Variants in COL6A5 observed in about 807,000 individuals in gnomAD.
COL6A5 encodes collagen type VI alpha 5 chain.
Under a neutral mutation model 65.6 loss-of-function variants are expected in COL6A5, and 48 were observed. The observed-to-expected ratio is 0.73, with a 90% confidence interval of 0.58 to 0.93. The LOEUF (loss-of-function observed/expected upper bound fraction) is 0.93, where lower values mean the gene tolerates loss of function less well. Ranked by LOEUF, COL6A5 falls within the 40% of genes least tolerant of loss-of-function variation. The pLI is 0.00. For missense variants in COL6A5, 914 were observed against 928.3 expected, an observed-to-expected ratio of 0.98 and a Z score of 0.20; for synonymous variants, 291 against 322.8, an observed-to-expected ratio of 0.90 and a Z score of 1.05.
chr3:130,478,326 G>C (rs747924526), intron 7 of COL6A5, among the ~76,000 whole-genome samples: 1 of 152,090 alleles, frequency 6.6e-6, no homozygotes, highest in South Asian at 2.1e-4. Context: ...GCCAGTTTTA[G>C]TTCTGTGGCT....
intron 29 of COL6A5, among the ~76,000 whole-genome samples, chr3:130,424,774 T>C (rs1249822552): frequency 6.6e-6 from 1 of 152,124 alleles, no homozygotes; most frequent in African/African-American, 2.4e-5. Context: ...AATGTGTGAA[T>C]ATTCCTAGTT....
chr3:130,404,082 G>C (rs1467557407), intron 13 of COL6A5, among the ~76,000 whole-genome samples: 4 of 152,158 alleles, frequency 2.6e-5, no homozygotes, highest in African/African-American at 9.7e-5. Context: ...CCAGTGCTTA[G>C]TACATGGCTT....
At chr3:130,471,054 C>G (rs564816980) in intron 7 of COL6A5, 87 bp downstream of exon 39, 11 of 930,908 alleles carry the variant, frequency 1.2e-5, no homozygotes, top group African/African-American at 5.0e-5. Context: ...TTTTAGTTTT[C>G]AAGATCCAAG....
chr3:130,387,952 G>A (rs1020649857), intron 5 of COL6A5, among the ~76,000 whole-genome samples: 22 of 151,074 alleles, frequency 1.5e-4, no homozygotes, highest in African/African-American at 3.2e-4. Context: ...ATATATATAC[G>A]TATGTCTGTA....
At position 130,399,681 on chromosome 3, in the gene COL6A5, T is replaced by A. The variant is rs140471837; in HGVS notation, c.3992-1350T>A. Among the ~76,000 whole-genome samples, 790 of 151,904 alleles carry A rather than the reference T, an allele frequency of 5.2e-3. 9 individuals are homozygous for A. Among genetic ancestry groups the A allele is most frequent in the African/African-American group, 0.018 (754 of 41,414 alleles). On this transcript the variant is annotated intron_variant and NMD_transcript_variant, in intron 10 of 41. Transcript: ENST00000312481. ...CCACTGCACCTGGCCAACTCATTTC[T>A]TATATTCAGTGTTCCAGGCATATGA...
At chr3:130,451,205 A>T (rs1424870862) in intron 4 of COL6A5, among the ~76,000 whole-genome samples, 2 of 152,186 alleles carry the variant, frequency 1.3e-5, no homozygotes, top group African/African-American at 4.8e-5. Context: ...GGATAAGTCC[A>T]TGCGTCTAAT....
chr3:130,358,033 C>CA (rs1167779721), intron 1 of COL6A5, among the ~76,000 whole-genome samples: 1 of 151,730 alleles, frequency 6.6e-6, no homozygotes, highest in Non-Finnish European at 1.5e-5. Context: ...ACTAAAAATA[C>CA]AAAAAATTAG....
chr3:130,431,763 T>C, exon 1 of COL6A5: 1 of 1,551,596 alleles, frequency 6.4e-7, no homozygotes, highest in Non-Finnish European at 8.7e-7. Flanking sequence ...CAATGAGGTT[T>C]GTGACCCGCA....
intron 22 of COL6A5, among the ~76,000 whole-genome samples, chr3:130,415,079 G>GCCAGTTCA (rs1470272789): frequency 7.9e-5 from 12 of 152,082 alleles, no homozygotes; most frequent in Non-Finnish European, 1.5e-4. Context: ...TGGCTCCTGG[G>GCCAGTTCA]CAGCCCAGGG....
intron 4 of COL6A5, among the ~76,000 whole-genome samples, chr3:130,454,720 T>A (rs1709525624): frequency 6.6e-6 from 1 of 152,226 alleles, no homozygotes; most frequent in Non-Finnish European, 1.5e-5. Context: ...ATGTTTTATA[T>A]AATCTTACTT....
intron 5 of COL6A5, 102 bp downstream of exon 5, chr3:130,385,466 A>G (rs1348281694): frequency 1.6e-6 from 2 of 1,226,930 alleles, no homozygotes; most frequent in South Asian, 1.6e-5. Context: ...AGTTGTCCGG[A>G]TAACATTTTG....
intron 3 of COL6A5, among the ~76,000 whole-genome samples, chr3:130,378,135 A>G (rs1483681146): frequency 6.6e-6 from 1 of 152,050 alleles, no homozygotes; most frequent in Non-Finnish European, 1.5e-5. Context: ...AATACGGTGT[A>G]CTTTCCCTTA....
chr3:130,372,042 C>T (rs1361807077), intron 1 of COL6A5, among the ~76,000 whole-genome samples: 2 of 152,056 alleles, frequency 1.3e-5, no homozygotes, highest in Admixed American at 6.5e-5. Flanking sequence ...ATAGATGTTT[C>T]ACCAAATAAG....
intron 1 of COL6A5, among the ~76,000 whole-genome samples, chr3:130,347,544 T>G (rs758547680): frequency 2.0e-5 from 3 of 152,158 alleles, no homozygotes. Context: ...CCATCTTGAA[T>G]CATAGCTACA....
intron 1 of COL6A5, among the ~76,000 whole-genome samples, chr3:130,435,501 A>G (rs1200414007): frequency 6.6e-6 from 1 of 152,074 alleles, no homozygotes; most frequent in Non-Finnish European, 1.5e-5. Flanking sequence ...TTTAATGGGA[A>G]TAGCATTGAA....
chr3:130,386,243 G>A (rs1438498822), intron 5 of COL6A5, among the ~76,000 whole-genome samples: 4 of 152,052 alleles, frequency 2.6e-5, no homozygotes, highest in African/African-American at 9.7e-5. Flanking sequence ...CCTTGAATAA[G>A]TTAGTGTCTA....
chr3:130,439,526 A>C lies in COL6A5; in HGVS notation c.494A>C (p.Asp165Ala), dbSNP rs968080334. 1.9e-6 allele frequency: 3 copies of C among 1,549,662 alleles called. No individual in the cohort carries two copies. In the South Asian group the frequency reaches 3.6e-5, roughly 18 times the overall value. ...TTCACTTCTTTTCCAATGCAGTTTG[A>C]CAACACTGGAACATTTCAGGTGATT... Residue 165 changes from aspartate to alanine, a missense_variant, in exon 2 of 8, where the codon GAC becomes GCC. Coordinates refer to ENST00000512836, the Ensembl canonical transcript of COL6A5.
intron 17 of COL6A5, among the ~76,000 whole-genome samples, 186 bp from the exon 18 acceptor site, chr3:130,409,140 A>G (rs914789200): frequency 1.3e-5 from 2 of 152,148 alleles, no homozygotes; most frequent in African/African-American, 4.8e-5. Flanking sequence ...GAGCCTCGCT[A>G]CAAATAATCC....
intron 4 of COL6A5, among the ~76,000 whole-genome samples, chr3:130,446,986 T>C (rs760587042): frequency 2.0e-5 from 3 of 152,172 alleles, no homozygotes; most frequent in Non-Finnish European, 2.9e-5. Context: ...TTGTTCAGAC[T>C]GTTTGGACAA....
Sources: allele counts gnomAD v4.1 joint callset (sites outside exome capture counted in the v4.1 genomes callset), GRCh38; gene constraint gnomAD v4.1.1; transcripts MANE v1.5; gene names NCBI Gene and HGNC (gene_info 2026-07-23, HGNC 2026-07-21).